Variants in SLIT1 observed in about 807,000 individuals in gnomAD.
The protein encoded by SLIT1 is slit guidance ligand 1.
SLIT1 carries 66 observed loss-of-function variants against 186.1 expected under a neutral mutation model. The ratio of observed to expected loss-of-function variants is 0.35; its 90% CI spans 0.29 to 0.44. The LOEUF is 0.44. Ranked by LOEUF, SLIT1 falls within the 20% of genes least tolerant of loss-of-function variation. SLIT1 has a pLI of 1.00. For missense variants in SLIT1, 1,638 were observed against 2,037.4 expected, an observed-to-expected ratio of 0.80 and a Z score of 3.77; for synonymous variants, 761 against 833.8, an observed-to-expected ratio of 0.91 and a Z score of 1.50.
intron 4 of SLIT1, among the ~76,000 whole-genome samples, chr10:97,072,513 GAC>G (rs1158857111): frequency 1.3e-5 from 2 of 151,146 alleles, no homozygotes; most frequent in African/African-American, 2.4e-5. Flanking sequence ...AAAGAGGAAA[GAC>G]ACAGCCCCCA....
intron 4 of SLIT1, among the ~76,000 whole-genome samples, chr10:97,152,492 A>C (rs903426993): frequency 7.2e-5 from 11 of 152,168 alleles, no homozygotes; most frequent in Non-Finnish European, 1.5e-4. Context: ...CATGTCTGAC[A>C]CAAGAGAGTG....
intron 31 of SLIT1, among the ~76,000 whole-genome samples, chr10:97,008,227 T>A (rs1848378584): frequency 6.6e-6 from 1 of 152,080 alleles, no homozygotes; most frequent in Non-Finnish European, 1.5e-5. Flanking sequence ...AAAATGAAAT[T>A]AAGAAAACAA....
intron 23 of SLIT1, among the ~76,000 whole-genome samples, chr10:97,033,078 C>T (rs60578582): frequency 0.023 from 3,432 of 150,590 alleles, 124 homozygotes; most frequent in African/African-American, 0.074. Context: ...AGACAAGGTC[C>T]AGCTCTGTCA....
rs756826324 is a variant in SLIT1 at position 97,163,396 on chromosome 10, T to C, written c.325A>G (p.Lys109Glu). 3.1e-6 allele frequency: 5 copies of C among 1,614,030 alleles called. No individual in the cohort carries two copies. Among genetic ancestry groups the C allele is most frequent in the Non-Finnish European group, 4.2e-6 (5 of 1,179,986 alleles). Reference sequence around the variant, plus strand: ...AGGACTCACAGCCGCTCCAGCTCCTTCATGTCATCAAAAGCACCACGTTCC... The same window carrying C: ...AGGACTCACAGCCGCTCCAGCTCCTCCATGTCATCAAAAGCACCACGTTCC... ...AVERGAFDDM[K>E]ELERLRLNRN... The change falls in exon 3 of 37, where the codon AAG becomes GAG. Residue 109 changes from lysine to glutamate, a missense_variant. This residue lies in a region of SLIT1 where 1,245 missense variants were observed against 1,535.3 expected (regional missense o/e 0.81). Transcript: ENST00000266058.
Position 97,001,212 on chromosome 10 carries a change from C to T in SLIT1, c.4505G>A (p.Arg1502Gln), listed in dbSNP as rs369124797. Residue 1502 changes from arginine (R) to glutamine (Q), a missense_variant, in exon 37 of 37, where the codon CGG becomes CAG. This residue lies in a region of SLIT1 where 220 missense variants were observed against 211.3 expected (regional missense o/e 1.04). Transcript: ENST00000266058. ...CPGQGCCQGLRLKRRKFTFEC... is the reference protein window; with the variant it reads ...CPGQGCCQGLQLKRRKFTFEC... ...AAAGGTGAACTTCCTCCGCTTCAGC[C>T]GAAGGCCCTGGCAGCAGCCCTGGCC... 42 of 1,613,220 alleles carry T rather than the reference C, an allele frequency of 2.6e-5. No individual in the cohort carries two copies. The highest frequency in any genetic ancestry group is 3.2e-5 in the Non-Finnish European group (38 of 1,179,920).
chr10:97,161,449 T>C (rs1456521166), intron 3 of SLIT1, among the ~76,000 whole-genome samples: 1 of 152,230 alleles, frequency 6.6e-6, no homozygotes, highest in East Asian at 1.9e-4. Context: ...ATCGGATTCT[T>C]TTCCTTTTAT....
chr10:97,116,490 G>A (rs901683772), intron 4 of SLIT1, among the ~76,000 whole-genome samples: 2 of 152,108 alleles, frequency 1.3e-5, no homozygotes, highest in Admixed American at 6.5e-5. Context: ...GGTCTAGCCC[G>A]GCATCCTGGG....
chr10:97,131,484 T>C (rs956039105), intron 4 of SLIT1, among the ~76,000 whole-genome samples: 1 of 152,078 alleles, frequency 6.6e-6, no homozygotes, highest in African/African-American at 2.4e-5. Flanking sequence ...CCATGCTGGG[T>C]ATGGCCAACA....
At chr10:97,156,686 G>A (rs1046097340) in intron 4 of SLIT1, among the ~76,000 whole-genome samples, 1 of 152,190 alleles carries the variant, frequency 6.6e-6, no homozygotes, top group African/African-American at 2.4e-5. Context: ...AACTAGCTGT[G>A]TTTAATCAGA....
At chr10:97,056,502 G>T in intron 12 of SLIT1, 38 bp from the exon 13 acceptor site, 1 of 1,610,966 alleles carries the variant, frequency 6.2e-7, no homozygotes, top group Non-Finnish European at 8.5e-7. Flanking sequence ...GAGGAGAGAG[G>T]CTCGACCTGA....
chr10:97,095,070 G>T (rs1849273145), intron 4 of SLIT1, among the ~76,000 whole-genome samples: 1 of 152,166 alleles, frequency 6.6e-6, no homozygotes, highest in African/African-American at 2.4e-5. Context: ...ATCATCTGAG[G>T]TCAGGAGTTC....
At chr10:97,088,607 A>G (rs569050797) in intron 4 of SLIT1, among the ~76,000 whole-genome samples, 1 of 152,322 alleles carries the variant, frequency 6.6e-6, no homozygotes, top group South Asian at 2.1e-4. Flanking sequence ...TACACATGGC[A>G]TGGGTGAAAG....
chr10:97,152,479 G>A (rs1242008378), intron 4 of SLIT1, among the ~76,000 whole-genome samples: 1 of 152,166 alleles, frequency 6.6e-6, no homozygotes, highest in Non-Finnish European at 1.5e-5. Flanking sequence ...GTGCCACAGT[G>A]TTCATGTCTG....
At chr10:97,081,331 G>A (rs1216638333) in intron 4 of SLIT1, among the ~76,000 whole-genome samples, 1 of 152,162 alleles carries the variant, frequency 6.6e-6, no homozygotes, top group African/African-American at 2.4e-5. Flanking sequence ...CCACCAACGT[G>A]GCAGGACAGC....
chr10:97,052,100 G>T lies in SLIT1; in HGVS notation c.1302-2982C>A, dbSNP rs199994489. 7.0e-3 allele frequency among the ~76,000 whole-genome samples: 621 copies of T among 88,928 alleles called. 15 individuals are homozygous for T. The South Asian group carries it at 0.076, about 11-fold the overall frequency. The allele number at this position is 88,928 out of a possible 152,430, so 58.3% of individuals were successfully genotyped here. A position where few individuals can be genotyped will look rare whatever the true frequency, so the allele number is the denominator to read the frequency against. ...ATATTGTATGATTCGGTTTTTTTTT[G>T]TTTGTTTTTTTTTTTTTTGGAGTCG... is the stretch of plus-strand genomic sequence containing the variant. On this transcript the variant is annotated intron_variant, in intron 13 of 36. Coordinates refer to ENST00000266058, the MANE Select transcript of SLIT1 (RefSeq NM_003061.3).
chr10:97,019,882 T>C (rs576952954), intron 26 of SLIT1, among the ~76,000 whole-genome samples: 42 of 152,228 alleles, frequency 2.8e-4, no homozygotes, highest in African/African-American at 9.9e-4. Flanking sequence ...TGAGCATGAA[T>C]AGAAATAAAA....
At chr10:97,074,262 A>C (rs910721678) in intron 4 of SLIT1, among the ~76,000 whole-genome samples, 3 of 152,200 alleles carry the variant, frequency 2.0e-5, no homozygotes, top group African/African-American at 7.2e-5. Flanking sequence ...TGAATGAACT[A>C]AAATGGATCC....
At chr10:97,026,615 A>G (rs185423468) in intron 25 of SLIT1, among the ~76,000 whole-genome samples, 2 of 152,338 alleles carry the variant, frequency 1.3e-5, no homozygotes, top group East Asian at 3.9e-4. Flanking sequence ...GCATTTGGAC[A>G]TCTAGCTTTC....
chr10:97,163,455 G>A lies in SLIT1; in HGVS notation c.270-4C>T. ...AATCTGGTTCTCCATCAGCTGCCTG[G>A]GGAAGCAAAGAGACAAGGACAGCTA... On this transcript the variant is annotated splice_region_variant and splice_polypyrimidine_tract_variant and intron_variant, in intron 2 of 36. Transcript: ENST00000266058. 1.2e-6 allele frequency: 2 copies of A among 1,613,862 alleles called. No individual in the cohort carries two copies. The highest frequency in any genetic ancestry group is 2.2e-5 in the South Asian group (2 of 91,082).
Sources: allele counts gnomAD v4.1 joint callset (sites outside exome capture counted in the v4.1 genomes callset), GRCh38; gene constraint gnomAD v4.1.1; regional missense constraint gnomAD v4.1.1; transcripts MANE v1.5; gene names NCBI Gene and HGNC (gene_info 2026-07-23, HGNC 2026-07-21).